Variants in RGS17 observed in about 807,000 individuals in gnomAD.
RGS17 encodes regulator of G-protein signaling 17.
Under a neutral mutation model 25.5 loss-of-function variants are expected in RGS17, and 12 were observed. The ratio of observed to expected loss-of-function variants is 0.47; its 90% confidence interval spans 0.30 to 0.76. The LOEUF is 0.76. Among genes scored for constraint, RGS17 ranks in the 30% least tolerant of loss-of-function variants. The probability of loss-of-function intolerance (pLI) is 0.07; values close to 1 mark genes in which losing one functional copy is unlikely to be tolerated. For missense variants in RGS17, 196 were observed against 242.2 expected, an observed-to-expected ratio of 0.81 and a Z score of 1.27; for synonymous variants, 71 against 76.9, an observed-to-expected ratio of 0.92 and a Z score of 0.40.
intron 1 of RGS17, among the ~76,000 whole-genome samples, chr6:153,070,828 T>C (rs929442076): frequency 1.3e-5 from 2 of 150,796 alleles, no homozygotes; most frequent in Middle Eastern, 3.5e-3. Context: ...TATACATATA[T>C]ACACATACAT....
intron 1 of RGS17, among the ~76,000 whole-genome samples, chr6:153,063,299 T>C (rs1485031692): frequency 6.6e-6 from 1 of 152,092 alleles, no homozygotes; most frequent in African/African-American, 2.4e-5. Context: ...GAATTCAAAA[T>C]ATCAGTTTTG....
At chr6:153,040,467 G>C (rs1304272122) in intron 2 of RGS17, among the ~76,000 whole-genome samples, 1 of 151,878 alleles carries the variant, frequency 6.6e-6, no homozygotes, top group Non-Finnish European at 1.5e-5. Context: ...CTTAGGGTGA[G>C]GTATTTATAT....
chr6:153,030,064 T>A (rs1779345149), intron 2 of RGS17, among the ~76,000 whole-genome samples: 1 of 152,194 alleles, frequency 6.6e-6, no homozygotes, highest in Admixed American at 6.5e-5. Context: ...AGTGCCAATA[T>A]CCTTGGCCAA....
intron 1 of RGS17, among the ~76,000 whole-genome samples, chr6:153,050,192 ACGTAGAC>A (rs1448101126): frequency 6.6e-6 from 1 of 152,224 alleles, no homozygotes; most frequent in African/African-American, 2.4e-5. Flanking sequence ...TGTCATAAAA[ACGTAGAC>A]TATAGCTTCA....
intron 1 of RGS17, among the ~76,000 whole-genome samples, chr6:153,128,442 C>T (rs372826755): frequency 1.3e-5 from 2 of 152,274 alleles, no homozygotes; most frequent in South Asian, 2.1e-4. Flanking sequence ...TCATCCATGC[C>T]TACCTTCCTT....
At chr6:153,033,790 C>T (rs908176250) in intron 2 of RGS17, among the ~76,000 whole-genome samples, 1 of 151,924 alleles carries the variant, frequency 6.6e-6, no homozygotes, top group African/African-American at 2.4e-5. Flanking sequence ...ATCTTCTATA[C>T]CTCAGTTCTC....
At chr6:153,048,035 T>C (rs559975118) in intron 1 of RGS17, among the ~76,000 whole-genome samples, 2 of 152,326 alleles carry the variant, frequency 1.3e-5, no homozygotes, top group East Asian at 1.9e-4. Flanking sequence ...TTGAGACTTT[T>C]TTGGGTCTAC....
chr6:153,058,087 T>C (rs946991707), intron 1 of RGS17, among the ~76,000 whole-genome samples: 10 of 152,244 alleles, frequency 6.6e-5, no homozygotes, highest in African/African-American at 2.2e-4. Flanking sequence ...AACACATAAG[T>C]ACATCCATTC....
chr6:153,127,133 C>T (rs962036433), intron 1 of RGS17, among the ~76,000 whole-genome samples: 7 of 152,076 alleles, frequency 4.6e-5, no homozygotes, highest in Admixed American at 2.0e-4. Flanking sequence ...ATAGGGGTCA[C>T]GCTCCTATGA....
chr6:153,076,821 T>C (rs1295781379), intron 1 of RGS17, among the ~76,000 whole-genome samples: 1 of 152,140 alleles, frequency 6.6e-6, no homozygotes. Flanking sequence ...TACAGAAAAG[T>C]GCGAGCTAAT....
At chr6:153,107,154 G>A (rs1460166558) in intron 1 of RGS17, among the ~76,000 whole-genome samples, 3 of 151,066 alleles carry the variant, frequency 2.0e-5, no homozygotes, top group Non-Finnish European at 4.4e-5. Flanking sequence ...TCAACATGGT[G>A]AAACCCCATC....
chr6:153,075,181 T>G (rs902230651), intron 1 of RGS17, among the ~76,000 whole-genome samples: 1 of 152,220 alleles, frequency 6.6e-6, no homozygotes, highest in Non-Finnish European at 1.5e-5. Context: ...TTTAAACTTT[T>G]GTTTAACTGT....
chr6:153,116,426 G>C (rs895759831), intron 1 of RGS17, among the ~76,000 whole-genome samples: 2 of 152,180 alleles, frequency 1.3e-5, no homozygotes, highest in African/African-American at 4.8e-5. Context: ...GGAAACAACA[G>C]ATGCTGGAGA....
rs747480209 is a variant in RGS17, at chr6:153,011,740, C to CT, written c.466dup (p.Arg156LysfsTer6). ...CAACAGATTTCTATTGATCACCTCT[C>CT]TAACTCGAGAATCAAGACTGACCTA... On this transcript the variant is annotated frameshift_variant, in exon 5 of 5. Transcript: ENST00000206262. LOFTEE classifies it high-confidence loss of function. 2 of 1,608,298 alleles carry CT rather than the reference C, an allele frequency of 1.2e-6. No individual in the cohort carries two copies. The highest frequency in any genetic ancestry group is 1.7e-6 in the Non-Finnish European group (2 of 1,178,390).
intron 3 of RGS17, among the ~76,000 whole-genome samples, chr6:153,025,258 G>A (rs1183375996): frequency 2.0e-5 from 3 of 151,818 alleles, no homozygotes; most frequent in Non-Finnish European, 2.9e-5. Flanking sequence ...GTTACAGTGA[G>A]CTATTACCAT....
At chr6:153,116,004 T>C (rs965359977) in intron 1 of RGS17, among the ~76,000 whole-genome samples, 1 of 152,284 alleles carries the variant, frequency 6.6e-6, no homozygotes, top group Non-Finnish European at 1.5e-5. Context: ...ATTCAGGATA[T>C]GGGCATGGGC....
chr6:153,053,515 T>A (rs1370700345), intron 1 of RGS17, among the ~76,000 whole-genome samples: 1 of 152,158 alleles, frequency 6.6e-6, no homozygotes, highest in Non-Finnish European at 1.5e-5. Context: ...AATTTGGTAT[T>A]GAGGCAGAGC....
At chr6:153,076,688 C>T (rs561947958) in intron 1 of RGS17, among the ~76,000 whole-genome samples, 8 of 152,214 alleles carry the variant, frequency 5.3e-5, no homozygotes, top group African/African-American at 1.9e-4. Flanking sequence ...GAAGAGGCTC[C>T]TGGCCAAAGT....
At chr6:153,103,565 T>C (rs1019762916) in intron 1 of RGS17, among the ~76,000 whole-genome samples, 8 of 152,090 alleles carry the variant, frequency 5.3e-5, no homozygotes, top group African/African-American at 1.9e-4. Flanking sequence ...TCCTCCATGA[T>C]CAAACCAAAG....
Sources: gnomAD v4.1 joint callset for allele counts (sites outside exome capture counted in the v4.1 genomes callset) on GRCh38, gnomAD v4.1.1 for gene constraint, MANE v1.5 for transcripts, NCBI Gene and HGNC (gene_info 2026-07-23, HGNC 2026-07-21) for gene names.